TAFA1: variants seen among roughly 807,000 people sequenced by gnomAD.
The protein encoded by TAFA1 is chemokine-like protein TAFA-1.
A neutral mutation model predicts 18.5 loss-of-function variants in TAFA1; 4 were observed. The observed-to-expected ratio is 0.22, with a 90% CI of 0.11 to 0.49. The LOEUF is 0.49. Among genes scored for constraint, TAFA1 ranks in the 20% least tolerant of loss-of-function variants. The pLI is 0.98. For missense variants in TAFA1, 147 were observed against 169.0 expected, an observed-to-expected ratio of 0.87 and a Z score of 0.72; for synonymous variants, 56 against 55.2, an observed-to-expected ratio of 1.01 and a Z score of -0.06.
At chr3:68,403,974 G>A (rs929509837) in intron 2 of TAFA1, among the ~76,000 whole-genome samples, 1 of 152,084 alleles carries the variant, frequency 6.6e-6, no homozygotes, top group Non-Finnish European at 1.5e-5. Flanking sequence ...CATCCCTAAT[G>A]GCTGCTCCAG....
intron 3 of TAFA1, among the ~76,000 whole-genome samples, chr3:68,499,179 C>T (rs1481421592): frequency 6.6e-6 from 1 of 151,942 alleles, no homozygotes; most frequent in African/African-American, 2.4e-5. Context: ...TACTAAACAA[C>T]TCATTTTGTT....
intron 2 of TAFA1, among the ~76,000 whole-genome samples, chr3:68,024,804 T>TGCACACACACACACAC (rs1704777187): frequency 7.6e-5 from 2 of 26,436 alleles, no homozygotes; most frequent in East Asian, 2.3e-3. Flanking sequence ...ATCTCCTTAA[T>TGCACACACACACACAC]GCACACACAC....
rs550142078 is a variant in TAFA1 at position 68,415,995 on chromosome 3, A to G, written c.119-1285A>G. On this transcript the variant is annotated intron_variant, in intron 2 of 4. Transcript: ENST00000478136. ...TCTTTTGAGCCAGATCATTCTTTCT[A>G]TGGGAGGCCATCCTGGGCATTGTGG... is the stretch of plus-strand genomic sequence containing the variant. 2.6e-5 allele frequency among the ~76,000 whole-genome samples: 4 copies of G among 152,224 alleles called. No individual in the cohort carries two copies. In the South Asian group the frequency reaches 8.3e-4, roughly 32 times the overall value.
chr3:68,030,437 C>T (rs1459443827), intron 2 of TAFA1, among the ~76,000 whole-genome samples: 1 of 152,086 alleles, frequency 6.6e-6, no homozygotes, highest in Admixed American at 6.6e-5. Context: ...CCGACAGGCC[C>T]CAGTGTGTGA....
chr3:68,180,399 T>C (rs1056943277), intron 2 of TAFA1, among the ~76,000 whole-genome samples: 4 of 152,100 alleles, frequency 2.6e-5, no homozygotes, highest in African/African-American at 4.8e-5. Flanking sequence ...TGAGCTGAAA[T>C]GGCAGAGGAG....
intron 2 of TAFA1, among the ~76,000 whole-genome samples, chr3:68,383,552 C>T (rs566625234): frequency 6.6e-6 from 1 of 152,116 alleles, no homozygotes; most frequent in Non-Finnish European, 1.5e-5. Context: ...GGTGGAGAAG[C>T]TCTTACGATG....
chr3:68,424,877 T>C (rs2071022848), intron 3 of TAFA1, among the ~76,000 whole-genome samples: 1 of 151,968 alleles, frequency 6.6e-6, no homozygotes, highest in Non-Finnish European at 1.5e-5. Flanking sequence ...TCTCCTCTAG[T>C]CCCCAGAATT....
intron 2 of TAFA1, among the ~76,000 whole-genome samples, chr3:68,382,695 T>A (rs946193583): frequency 6.6e-6 from 1 of 152,074 alleles, no homozygotes; most frequent in African/African-American, 2.4e-5. Context: ...TTTGAGCTTT[T>A]TTATGGTTCC....
chr3:68,318,921 C>T (rs1023769528), intron 2 of TAFA1, among the ~76,000 whole-genome samples: 8 of 152,046 alleles, frequency 5.3e-5, no homozygotes, highest in Admixed American at 1.3e-4. Context: ...AAACAGAATT[C>T]ATAACACTAA....
intron 3 of TAFA1, among the ~76,000 whole-genome samples, chr3:68,454,683 T>A (rs1242030106): frequency 1.3e-5 from 2 of 152,152 alleles, no homozygotes; most frequent in East Asian, 3.9e-4. Context: ...CAGATCTTCC[T>A]TTCCCTCCTT....
chr3:68,337,914 C>T (rs1460111530), intron 2 of TAFA1, among the ~76,000 whole-genome samples: 1 of 152,154 alleles, frequency 6.6e-6, no homozygotes, highest in African/African-American at 2.4e-5. Flanking sequence ...ACATTGAGTC[C>T]CCAACCAATT....
Position 68,144,866 on chromosome 3 carries a change from T to C in TAFA1, c.118+138122T>C, listed in dbSNP as rs571145320. ...CTTTTAACCTGAGCACAATGTCTTT[T>C]ACATTTACATTCCATTTCCTCATCA... On this transcript the variant is annotated intron_variant, in intron 2 of 4. Coordinates refer to ENST00000478136, the MANE Select transcript of TAFA1 (RefSeq NM_213609.4). 184 of 630,594 alleles carry C rather than the reference T, an allele frequency of 2.9e-4. 2 individuals are homozygous for C. In the South Asian group the frequency reaches 3.4e-3, roughly 12 times the overall value. 39.1% of individuals were successfully genotyped at this position (630,594 alleles called of 1,614,324 possible).
intron 2 of TAFA1, among the ~76,000 whole-genome samples, chr3:68,218,318 T>C (rs540939548): frequency 6.6e-6 from 1 of 152,284 alleles, no homozygotes; most frequent in African/African-American, 2.4e-5. Flanking sequence ...CATGTTTTGA[T>C]GTAATGATGT....
chr3:68,155,378 G>A (rs990938034), intron 2 of TAFA1, among the ~76,000 whole-genome samples: 4 of 152,280 alleles, frequency 2.6e-5, no homozygotes, highest in Non-Finnish European at 4.4e-5. Context: ...CAGGTATTAC[G>A]TTAGTCAGTT....
chr3:68,083,822 A>G (rs1378130718), intron 2 of TAFA1, among the ~76,000 whole-genome samples: 2 of 151,096 alleles, frequency 1.3e-5, no homozygotes. Context: ...TCAGCTTCGG[A>G]TTTTTCATGA....
chr3:68,243,352 G>A (rs1475533738), intron 2 of TAFA1, among the ~76,000 whole-genome samples: 4 of 152,106 alleles, frequency 2.6e-5, no homozygotes, highest in Admixed American at 1.3e-4. Flanking sequence ...ATGTGTGTGT[G>A]TGTAGATCTA....
chr3:68,527,527 A>C (rs1352172822), intron 3 of TAFA1, among the ~76,000 whole-genome samples: 1 of 152,154 alleles, frequency 6.6e-6, no homozygotes, highest in East Asian at 1.9e-4. Context: ...TTAATTACTT[A>C]ATGGTTAAAT....
At chr3:68,066,000 T>C (rs928119189) in intron 2 of TAFA1, among the ~76,000 whole-genome samples, 1 of 152,106 alleles carries the variant, frequency 6.6e-6, no homozygotes, top group Non-Finnish European at 1.5e-5. Flanking sequence ...ACATACTGTA[T>C]GGTTTCACTT....
intron 2 of TAFA1, among the ~76,000 whole-genome samples, chr3:68,248,569 T>C (rs1157190403): frequency 6.6e-6 from 1 of 152,012 alleles, no homozygotes; most frequent in Non-Finnish European, 1.5e-5. Context: ...TAAATGCACC[T>C]GACAACAATA....
Sources: gnomAD v4.1 joint callset for allele counts (sites outside exome capture counted in the v4.1 genomes callset) on GRCh38, gnomAD v4.1.1 for gene constraint, MANE v1.5 for transcripts, NCBI Gene and HGNC (gene_info 2026-07-23, HGNC 2026-07-21) for gene names.